The following TRIO variants were observed in gnomAD, a reference collection of about 807,000 sequenced individuals.
TRIO encodes the protein trio Rho guanine nucleotide exchange factor.
Under a neutral mutation model 351.9 loss-of-function variants are expected in TRIO, and 58 were observed. That is an observed-to-expected ratio of 0.16 (90% confidence interval 0.13 to 0.21). The LOEUF is 0.21. Ranked by LOEUF, TRIO falls within the 10% of genes least tolerant of loss-of-function variation. The pLI, the probability that TRIO is intolerant of heterozygous loss-of-function variation, is 1.00. For synonymous variants in TRIO, 1,758 were observed against 1,595.7 expected (o/e 1.10, Z -2.42); for missense variants, 3,201 against 4,027.8 (o/e 0.79, Z 5.56).
intron 1 of TRIO, among the ~76,000 whole-genome samples, chr5:14,247,351 A>C (rs1219666554): frequency 6.6e-6 from 1 of 152,270 alleles, no homozygotes; most frequent in Non-Finnish European, 1.5e-5. Flanking sequence ...GAAACATGTT[A>C]ATATGCATTT....
chr5:14,346,084 G>C (rs936505578), intron 11 of TRIO, among the ~76,000 whole-genome samples: 2 of 152,196 alleles, frequency 1.3e-5, no homozygotes, highest in African/African-American at 2.4e-5. Context: ...GTTTTGCCAG[G>C]ACAGCTTAAA....
At chr5:14,475,432 C>T (rs1422838622) in intron 40 of TRIO, among the ~76,000 whole-genome samples, 1 of 152,202 alleles carries the variant, frequency 6.6e-6, no homozygotes, top group Non-Finnish European at 1.5e-5. Flanking sequence ...TGGGAATATG[C>T]TCTTTTAAAC....
chr5:14,476,891 C>T lies in TRIO; in HGVS notation c.6084-3C>T. 1.2e-6 allele frequency: 2 copies of T among 1,612,544 alleles called. No homozygotes were observed. The highest frequency in any genetic ancestry group is 1.7e-6 in the Non-Finnish European group (2 of 1,179,352). On this transcript the variant is annotated splice_region_variant and splice_polypyrimidine_tract_variant and intron_variant, in intron 40 of 56. Transcript: ENST00000344204. ...GTTCTAATATTTTCTCCTTTCTTTCCAGCTTTTTTTTAGGAGAGTTAGAGA... is the reference window on the plus strand; with the variant it reads ...GTTCTAATATTTTCTCCTTTCTTTCTAGCTTTTTTTTAGGAGAGTTAGAGA...
At chr5:14,421,005 G>T (rs1750080611) in intron 34 of TRIO, among the ~76,000 whole-genome samples, 1 of 152,126 alleles carries the variant, frequency 6.6e-6, no homozygotes, top group Non-Finnish European at 1.5e-5. Flanking sequence ...TTGGGTTTTT[G>T]AATGTTGCTA....
At chr5:14,382,477 G>T (rs943953222) in intron 21 of TRIO, among the ~76,000 whole-genome samples, 3 of 152,170 alleles carry the variant, frequency 2.0e-5, no homozygotes, top group African/African-American at 7.2e-5. Context: ...GCTGCAGAGA[G>T]ACCAGGCATG....
chr5:14,186,642 G>T (rs1436929634), intron 1 of TRIO, among the ~76,000 whole-genome samples: 1 of 151,964 alleles, frequency 6.6e-6, no homozygotes, highest in Non-Finnish European at 1.5e-5. Flanking sequence ...CAGTGGTGCA[G>T]TCTTGGCTCA....
At chr5:14,327,232 T>G (rs1381907982) in intron 9 of TRIO, among the ~76,000 whole-genome samples, 1 of 152,234 alleles carries the variant, frequency 6.6e-6, no homozygotes, top group Non-Finnish European at 1.5e-5. Flanking sequence ...TGGCATGATC[T>G]CAGCTCACTG....
At chr5:14,454,091 A>G (rs1224848597) in intron 34 of TRIO, among the ~76,000 whole-genome samples, 3 of 152,132 alleles carry the variant, frequency 2.0e-5, no homozygotes, top group South Asian at 2.1e-4. Context: ...CACGATGCCA[A>G]CTAATTTTTG....
chr5:14,187,752 A>G (rs1294312462), intron 1 of TRIO, among the ~76,000 whole-genome samples: 1 of 152,088 alleles, frequency 6.6e-6, no homozygotes, highest in Non-Finnish European at 1.5e-5. Flanking sequence ...GATTATTGTT[A>G]TTTAGGTGTT....
intron 34 of TRIO, among the ~76,000 whole-genome samples, chr5:14,445,711 C>T (rs1752387392): frequency 6.6e-6 from 1 of 152,178 alleles, no homozygotes; most frequent in South Asian, 2.1e-4. Context: ...TATATTAGCC[C>T]TAAGGCAACT....
chr5:14,482,866 C>T (rs1755636897), intron 46 of TRIO, 93 bp downstream of exon 46: 9 of 1,216,414 alleles, frequency 7.4e-6, no homozygotes, highest in South Asian at 2.1e-5. Flanking sequence ...TACCCTGATG[C>T]TTCGTTTAAG....
intron 8 of TRIO, among the ~76,000 whole-genome samples, chr5:14,311,238 G>A (rs1476204110): frequency 3.3e-5 from 5 of 152,228 alleles, no homozygotes; most frequent in African/African-American, 1.2e-4. Context: ...CAACTGGGCT[G>A]CTCCAGACGT....
intron 11 of TRIO, among the ~76,000 whole-genome samples, chr5:14,352,380 A>G (rs1345963897): frequency 6.6e-6 from 1 of 152,240 alleles, no homozygotes; most frequent in Non-Finnish European, 1.5e-5. Flanking sequence ...GCTGCTGGGC[A>G]AAGATTTATC....
chr5:14,274,209 G>GAGCC (rs1424320765), intron 2 of TRIO, among the ~76,000 whole-genome samples: 2 of 152,118 alleles, frequency 1.3e-5, no homozygotes, highest in African/African-American at 4.8e-5. Flanking sequence ...CTTTTAACCT[G>GAGCC]TAGGTTGTGT....
Position 14,287,024 on chromosome 5 carries a change from A to G in TRIO, c.501A>G (p.Lys167=). ...LIIKPDNFWQ[K]QRTNFGSSKF... Reference sequence around the variant, plus strand: ...TCAAGCCAGACAACTTCTGGCAGAAACAGAGGACTAATTTTGGCAGTTCTA... The same window carrying G: ...TCAAGCCAGACAACTTCTGGCAGAAGCAGAGGACTAATTTTGGCAGTTCTA... The change falls in exon 4 of 57, where the codon AAA becomes AAG. Residue 167 remains lysine, a synonymous_variant. Coordinates refer to ENST00000344204, the MANE Select transcript of TRIO (RefSeq NM_007118.4). The G allele has an allele frequency of 6.2e-7, 1 of 1,614,146 alleles. No homozygotes were observed. Among genetic ancestry groups the G allele is most frequent in the Non-Finnish European group, 8.5e-7 (1 of 1,180,022 alleles).
intron 24 of TRIO, 87 bp downstream of exon 24, chr5:14,388,766 T>C: frequency 1.4e-6 from 2 of 1,420,320 alleles, no homozygotes; most frequent in Middle Eastern, 3.7e-4. Flanking sequence ...TGGTAGTCCT[T>C]AGAATAATCA....
chr5:14,327,800 G>C (rs1308207121), intron 9 of TRIO, among the ~76,000 whole-genome samples: 2 of 152,226 alleles, frequency 1.3e-5, no homozygotes, highest in East Asian at 3.9e-4. Context: ...GCATGGTTTG[G>C]CCTCATGCCC....
chr5:14,451,908 G>T (rs1752872569), intron 34 of TRIO, among the ~76,000 whole-genome samples: 1 of 152,232 alleles, frequency 6.6e-6, no homozygotes, highest in South Asian at 2.1e-4. Flanking sequence ...TGGACAGTAA[G>T]ATGGGAATAT....
intron 11 of TRIO, among the ~76,000 whole-genome samples, chr5:14,343,254 G>A (rs1248789357): frequency 1.3e-5 from 2 of 152,196 alleles, no homozygotes; most frequent in Admixed American, 6.5e-5. Flanking sequence ...AGGTTTAGAT[G>A]TGTATGTGTG....
Sources: gnomAD v4.1 joint callset for allele counts (sites outside exome capture counted in the v4.1 genomes callset) on GRCh38, gnomAD v4.1.1 for gene constraint, MANE v1.5 for transcripts, NCBI Gene and HGNC (gene_info 2026-07-23, HGNC 2026-07-21) for gene names.